ESD: variants seen among roughly 807,000 people sequenced by gnomAD.
The protein encoded by ESD is esterase D, also known as S-formylglutathione hydrolase.
A neutral mutation model predicts 38.1 loss-of-function variants in ESD; 34 were observed. That is an observed-to-expected ratio of 0.89 (90% CI 0.68 to 1.19). ESD has a LOEUF of 1.19. ESD is among the 50% of genes most tolerant of loss of function. The pLI is 0.00. For synonymous variants in ESD, 97 were observed against 107.0 expected, an observed-to-expected ratio of 0.91 and a Z score of 0.58; for missense variants, 334 against 327.2, an observed-to-expected ratio of 1.02 and a Z score of -0.16.
Position 46,779,954 on chromosome 13 carries a change from G to A in ESD, c.581C>T (p.Thr194Ile), listed in dbSNP as rs1029512457. Residue 194 changes from threonine to isoleucine, a missense_variant, in exon 8 of 10, where the codon ACA becomes ATA. Transcript: ENST00000378720. ...ACCTACCTTCCATTTACTTTGATCT[G>A]TTCCCAAATATCCACTAAAGGCTTT... is the stretch of plus-strand genomic sequence containing the variant. ...GKKAFSGYLG[T>I]DQSKWKAYDA... 6.2e-7 allele frequency: 1 copy of A among 1,605,232 alleles called. No homozygotes were observed. Among genetic ancestry groups the A allele is most frequent in the Admixed American group, 1.7e-5 (1 of 59,446 alleles).
Position 46,781,627 on chromosome 13 carries a change from T to G in ESD, c.382-12A>C. 1 of 1,599,042 alleles carries G rather than the reference T, an allele frequency of 6.3e-7. No individual in the cohort carries two copies. The highest frequency in any genetic ancestry group is 1.7e-4 in the Middle Eastern group (1 of 5,994). On this transcript the variant is annotated splice_polypyrimidine_tract_variant and intron_variant, in intron 6 of 9. Transcript: ENST00000378720. ...ATGAGTTGGGGAAGCTAGAAAAAAT[T>G]TAATAGTGTGACAAAAGATATCAAA... is the stretch of plus-strand genomic sequence containing the variant.
At chr13:46,771,699 T>C (rs944530185) in intron 9 of ESD, among the ~76,000 whole-genome samples, 2 of 152,140 alleles carry the variant, frequency 1.3e-5, no homozygotes, top group Non-Finnish European at 2.9e-5. Flanking sequence ...GCAGCAAAAA[T>C]GTGAAGGAAA....
chr13:46,792,864 A>C (rs1366113953), intron 2 of ESD, among the ~76,000 whole-genome samples: 1 of 151,982 alleles, frequency 6.6e-6, no homozygotes, highest in Non-Finnish European at 1.5e-5. Context: ...CAACAAATAA[A>C]ATTTATTTGC....
At chr13:46,774,853 C>CATAGGTATTTATGGGATACATACCT (rs1409697772) in intron 9 of ESD, among the ~76,000 whole-genome samples, 1 of 152,120 alleles carries the variant, frequency 6.6e-6, no homozygotes. Flanking sequence ...GCTAAATAAG[C>CATAGGTATTTATGGGATACATACCT]ATGGGATACA....
At chr13:46,788,738 T>C (rs547399683) in intron 3 of ESD, among the ~76,000 whole-genome samples, 7 of 150,068 alleles carry the variant, frequency 4.7e-5, no homozygotes, top group African/African-American at 1.7e-4. Context: ...GTCCCTATCA[T>C]GTCATTAAGA....
chr13:46,777,616 TCATAAGC>T lies in ESD; in HGVS notation c.601_607del (p.Ala201MetfsTer6). 1 of 1,599,084 alleles carries T rather than the reference TCATAAGC, an allele frequency of 6.3e-7. No homozygotes were observed. The highest frequency in any genetic ancestry group is 8.5e-7 in the Non-Finnish European group (1 of 1,172,566). ...ATAGGATTTCACAAGGTGGGTAGCA[TCATAAGC>T]CTGTAAAAAGAGAAGTAACATTGAA... On this transcript the variant is annotated frameshift_variant and splice_region_variant, in exon 9 of 10. Transcript: ENST00000378720. LOFTEE classifies it high-confidence loss of function.
chr13:46,775,424 T>TTA (rs1874758562), intron 9 of ESD: 1 of 234,318 alleles, frequency 4.3e-6, no homozygotes, highest in East Asian at 1.1e-4. Context: ...GATCGTTTAT[T>TTA]TATATATATC....
chr13:46,777,280 T>C, intron 9 of ESD, 176 bp downstream of exon 9: 1 of 423,876 alleles, frequency 2.4e-6, no homozygotes, highest in Non-Finnish European at 4.2e-6. Context: ...CTATCAAATT[T>C]AGTGTTAGAT....
chr13:46,796,822 C>A (rs1416263626), intron 1 of ESD, among the ~76,000 whole-genome samples: 1 of 152,242 alleles, frequency 6.6e-6, no homozygotes, highest in South Asian at 2.1e-4. Flanking sequence ...AAAAGCTGTA[C>A]AAATGTAGCG....
chr13:46,782,929 C>T, intron 5 of ESD, 138 bp from the exon 6 acceptor site: 1 of 1,064,466 alleles, frequency 9.4e-7, no homozygotes, highest in Non-Finnish European at 1.4e-6. Flanking sequence ...CCTTTTGGAG[C>T]ACATGATAGG....
chr13:46,775,870 C>T, intron 9 of ESD: 1 of 266,916 alleles, frequency 3.7e-6, no homozygotes, highest in Non-Finnish European at 7.6e-6. Flanking sequence ...AATAAGTGGA[C>T]TTATTTTTCC....
chr13:46,785,074 T>A (rs1317095385), intron 4 of ESD, among the ~76,000 whole-genome samples: 1 of 152,062 alleles, frequency 6.6e-6, no homozygotes, highest in Admixed American at 6.6e-5. Context: ...AGCTTAATCA[T>A]CTTTGTATTC....
chr13:46,795,232 A>C (rs1247330040), intron 1 of ESD, among the ~76,000 whole-genome samples: 1 of 152,146 alleles, frequency 6.6e-6, no homozygotes, highest in African/African-American at 2.4e-5. Flanking sequence ...TTCCTAATAC[A>C]TCCCACTACG....
intron 9 of ESD, chr13:46,775,549 C>A (rs748341440): frequency 6.4e-5 from 28 of 439,370 alleles, no homozygotes; most frequent in Non-Finnish European, 1.2e-4. Context: ...CCAGGGTAAT[C>A]TTGGGTCAAA....
In ESD at chr13:46,771,503, G is replaced by A. The variant is rs143289743; in HGVS notation, c.769-7C>T. ...AGTAGCTATGATCATAACCCTAGAAGATAAAGAGATGATAAGACATTTATC... is the reference window on the plus strand; with the variant it reads ...AGTAGCTATGATCATAACCCTAGAAAATAAAGAGATGATAAGACATTTATC... On this transcript the variant is annotated splice_polypyrimidine_tract_variant and splice_region_variant and intron_variant, in intron 9 of 9. Coordinates refer to ENST00000378720, the MANE Select transcript of ESD (RefSeq NM_001984.2). 409 of 1,544,254 alleles carry A rather than the reference G, an allele frequency of 2.6e-4. No individual in the cohort carries two copies. Among genetic ancestry groups the A allele is most frequent in the Middle Eastern group, 1.7e-3 (10 of 5,882 alleles).
chr13:46,777,764 A>G (rs867326512), intron 8 of ESD, 141 bp from the exon 9 acceptor site: 1 of 570,738 alleles, frequency 1.8e-6, no homozygotes, highest in Non-Finnish European at 2.7e-6. Flanking sequence ...TTGGTTCAAA[A>G]TCTGACTTGC....
In ESD at chr13:46,791,347, T is replaced by A; in HGVS notation, c.67A>T (p.Ser23Cys). 3 of 1,609,500 alleles carry A rather than the reference T, an allele frequency of 1.9e-6. No individual in the cohort carries two copies. Among genetic ancestry groups the A allele is most frequent in the Non-Finnish European group, 2.5e-6 (3 of 1,176,758 alleles). ...GGLQKVFEHDSVELNCKMKFA... is the reference protein window; with the variant it reads ...GGLQKVFEHDCVELNCKMKFA... Reference sequence around the variant, plus strand: ...AAATTATATCTTCTTAATAGTTACCTGTCATGTTCAAAAACTTTCTGCAAT... The same window carrying A: ...AAATTATATCTTCTTAATAGTTACCAGTCATGTTCAAAAACTTTCTGCAAT... The change falls in exon 3 of 10, where the codon AGT (serine) becomes TGT (cysteine). Residue 23 changes from serine to cysteine, a missense_variant and splice_region_variant. By Grantham distance (112) the Ser-to-Cys change is moderately radical. Transcript: ENST00000378720.
chr13:46,794,496 ATT>A (rs34614621), intron 1 of ESD, among the ~76,000 whole-genome samples: 1 of 148,784 alleles, frequency 6.7e-6, no homozygotes, highest in Admixed American at 6.7e-5. Flanking sequence ...ACACTGGAAT[ATT>A]TTTTTTTTTA....
intron 9 of ESD, among the ~76,000 whole-genome samples, chr13:46,772,843 C>T (rs911137193): frequency 6.6e-6 from 1 of 152,164 alleles, no homozygotes; most frequent in Admixed American, 6.5e-5. Context: ...TGCCACCATG[C>T]CCAGCTAATT....
Sources: allele counts gnomAD v4.1 joint callset (sites outside exome capture counted in the v4.1 genomes callset), GRCh38; gene constraint gnomAD v4.1.1; transcripts MANE v1.5; gene names NCBI Gene and HGNC (gene_info 2026-07-23, HGNC 2026-07-21).